The following CA10 variants were observed in gnomAD, a reference collection of about 807,000 sequenced individuals.
CA10 encodes the protein carbonic anhydrase-related protein 10.
A neutral mutation model predicts 44.2 loss-of-function variants in CA10; 14 were observed. That is an observed-to-expected ratio of 0.32 (90% CI 0.21 to 0.50). The LOEUF is 0.50. CA10 is among the 20% of genes least tolerant of loss of function. CA10 has a pLI of 0.99. For missense variants in CA10, 350 were observed against 409.7 expected (o/e 0.85, Z 1.26); for synonymous variants, 159 against 141.6 (o/e 1.12, Z -0.87).
chr17:51,961,195 A>T (rs1176003244), intron 2 of CA10, among the ~76,000 whole-genome samples: 1,767 of 143,634 alleles, frequency 0.012, 40 homozygotes, highest in African/African-American at 0.045. Flanking sequence ...ACAAACACAC[A>T]CACACACACA....
intron 2 of CA10, among the ~76,000 whole-genome samples, chr17:52,071,041 C>G (rs1161772369): frequency 6.6e-6 from 1 of 152,102 alleles, no homozygotes; most frequent in Non-Finnish European, 1.5e-5. Flanking sequence ...AGTATGTAAA[C>G]ATTCTATTTC....
At chr17:51,819,762 G>A (rs1907692484) in intron 3 of CA10, among the ~76,000 whole-genome samples, 1 of 152,198 alleles carries the variant, frequency 6.6e-6, no homozygotes, top group Admixed American at 6.5e-5. Flanking sequence ...ACACGGAGGG[G>A]CTTCCAGTCC....
intron 2 of CA10, among the ~76,000 whole-genome samples, chr17:52,060,527 C>T (rs1987354150): frequency 6.6e-6 from 1 of 152,068 alleles, no homozygotes; most frequent in Admixed American, 6.6e-5. Context: ...TGGAAACTCC[C>T]TGTATAACTT....
Position 51,759,353 on chromosome 17 carries a change from TTGCTCTG to T in CA10, c.280-11542_280-11536del, listed in dbSNP as rs199735097. ...TCAAGATTGGGTTGAGTACACTTCTTTGCTCTGTGTGTGTGTGTGTGTGTGTGTGTGT... is the reference window on the plus strand; with the variant it reads ...TCAAGATTGGGTTGAGTACACTTCTTTGTGTGTGTGTGTGTGTGTGTGTGT... On this transcript the variant is annotated intron_variant, in intron 3 of 8. Transcript: ENST00000451037. Among the ~76,000 whole-genome samples the T allele has an allele frequency of 7.0e-3, 773 of 111,084 alleles. 10 individuals carry two copies. Among genetic ancestry groups the T allele is most frequent in the African/African-American group, 0.026 (746 of 28,952 alleles). 72.9% of individuals were successfully genotyped at this position (111,084 alleles called of 152,430 possible).
At chr17:51,662,042 T>A (rs901195818) in intron 4 of CA10, among the ~76,000 whole-genome samples, 1 of 152,230 alleles carries the variant, frequency 6.6e-6, no homozygotes, top group Non-Finnish European at 1.5e-5. Context: ...TTCTGACCGC[T>A]GCTAGTTTAA....
intron 3 of CA10, among the ~76,000 whole-genome samples, chr17:51,851,284 C>T (rs1029409875): frequency 5.3e-5 from 8 of 152,138 alleles, no homozygotes; most frequent in East Asian, 1.9e-4. Context: ...ACGATGCAAA[C>T]GGTGGCCCCT....
At chr17:51,890,470 C>T (rs972903629) in intron 3 of CA10, among the ~76,000 whole-genome samples, 1 of 152,204 alleles carries the variant, frequency 6.6e-6, no homozygotes, top group African/African-American at 2.4e-5. Context: ...AGACCCTACC[C>T]TAGGTCTCCC....
chr17:51,889,014 G>C (rs1220012495), intron 3 of CA10, among the ~76,000 whole-genome samples: 1 of 152,102 alleles, frequency 6.6e-6, no homozygotes, highest in Non-Finnish European at 1.5e-5. Flanking sequence ...AGTTGGCCGG[G>C]AGCTCAGCTG....
At chr17:52,005,943 A>T (rs912491696) in intron 2 of CA10, among the ~76,000 whole-genome samples, 1 of 151,866 alleles carries the variant, frequency 6.6e-6, no homozygotes, top group African/African-American at 2.4e-5. Flanking sequence ...AAGCAAAAAG[A>T]TGAAAAAAAG....
chr17:52,048,656 G>C (rs1044472978), intron 2 of CA10, among the ~76,000 whole-genome samples: 1 of 151,998 alleles, frequency 6.6e-6, no homozygotes, highest in African/African-American at 2.4e-5. Flanking sequence ...GGGTGGGGTA[G>C]AGTAGGAAAA....
At chr17:51,833,734 TA>T (rs1908369591) in intron 3 of CA10, among the ~76,000 whole-genome samples, 1 of 152,152 alleles carries the variant, frequency 6.6e-6, no homozygotes, top group Non-Finnish European at 1.5e-5. Flanking sequence ...GAAATATGTA[TA>T]TATATATTAG....
At chr17:52,055,078 G>A (rs770124978) in intron 2 of CA10, among the ~76,000 whole-genome samples, 1 of 151,942 alleles carries the variant, frequency 6.6e-6, no homozygotes, top group Non-Finnish European at 1.5e-5. Context: ...TGACATTTTT[G>A]AACTTCAGGA....
intron 3 of CA10, among the ~76,000 whole-genome samples, chr17:51,790,819 TTAAAG>T (rs1453185959): frequency 2.6e-5 from 4 of 152,318 alleles, no homozygotes; most frequent in East Asian, 1.9e-4. Flanking sequence ...AAATGCCACT[TTAAAG>T]TAATGACCAA....
At chr17:51,967,166 A>G (rs912547104) in intron 2 of CA10, among the ~76,000 whole-genome samples, 3 of 151,714 alleles carry the variant, frequency 2.0e-5, no homozygotes, top group African/African-American at 7.2e-5. Context: ...CAGAATGGCT[A>G]CTATTAAAAA....
intron 2 of CA10, among the ~76,000 whole-genome samples, chr17:52,012,615 CA>C (rs1398860238): frequency 2.6e-5 from 4 of 151,956 alleles, no homozygotes; most frequent in South Asian, 2.1e-4. Context: ...AAACTATGTT[CA>C]GTACGTTCAG....
intron 2 of CA10, 93 bp from the exon 3 acceptor site, chr17:51,931,225 G>A: frequency 8.0e-7 from 1 of 1,246,088 alleles, no homozygotes; most frequent in South Asian, 1.4e-5. Context: ...TGGTAAAATG[G>A]AAGAGAACCA....
intron 2 of CA10, among the ~76,000 whole-genome samples, chr17:51,973,528 G>A (rs910570775): frequency 6.6e-6 from 1 of 152,212 alleles, no homozygotes; most frequent in African/African-American, 2.4e-5. Context: ...GCTGAATAGA[G>A]TTTCTGAAGC....
intron 3 of CA10, among the ~76,000 whole-genome samples, chr17:51,909,377 C>A (rs1981697772): frequency 6.6e-6 from 1 of 151,990 alleles, no homozygotes; most frequent in Admixed American, 6.6e-5. Flanking sequence ...CAGCTTGTTA[C>A]CATGATTTCA....
At chr17:52,068,244 G>A (rs1462747017) in intron 2 of CA10, among the ~76,000 whole-genome samples, 1 of 152,160 alleles carries the variant, frequency 6.6e-6, no homozygotes, top group Non-Finnish European at 1.5e-5. Context: ...AAGGTCTGAT[G>A]GTTTTGTAAG....
Sources: allele counts gnomAD v4.1 joint callset (sites outside exome capture counted in the v4.1 genomes callset), GRCh38; gene constraint gnomAD v4.1.1; transcripts MANE v1.5; gene names NCBI Gene and HGNC (gene_info 2026-07-23, HGNC 2026-07-21).